The following MDGA2 variants were observed in gnomAD, a reference collection of about 807,000 sequenced individuals.
MDGA2 encodes MAM domain containing glycosylphosphatidylinositol anchor 2.
MDGA2 carries 40 observed loss-of-function variants against 117.8 expected under a neutral mutation model. The ratio of observed to expected loss-of-function variants is 0.34; its 90% CI spans 0.26 to 0.44. MDGA2 has a LOEUF of 0.44. MDGA2 is among the 20% of genes least tolerant of loss of function. MDGA2 has a pLI of 1.00. For synonymous variants in MDGA2, 452 were observed against 439.0 expected (o/e 1.03, Z -0.37); for missense variants, 1,123 against 1,250.6 (o/e 0.90, Z 1.54).
intron 4 of MDGA2, among the ~76,000 whole-genome samples, chr14:47,139,014 C>G (rs1882589172): frequency 6.6e-6 from 1 of 151,860 alleles, no homozygotes; most frequent in Non-Finnish European, 1.5e-5. Context: ...ATATTCAATT[C>G]AAATTGCTAT....
In MDGA2 at chr14:47,587,300, A is replaced by C. The variant is rs1460329981; in HGVS notation, c.280+87217T>G. 4.6e-5 allele frequency among the ~76,000 whole-genome samples: 7 copies of C among 151,860 alleles called. No individual in the cohort carries two copies. The East Asian group carries it at 1.4e-3, about 29-fold the overall frequency. ...CGTGTACCCCAGAACTTAAAATAAA[A>C]CTTAAAATAAAAACCTGAGATATTT... On this transcript the variant is annotated intron_variant, in intron 1 of 16. Transcript: ENST00000399232.
At chr14:47,141,669 T>C (rs1471304058) in intron 4 of MDGA2, among the ~76,000 whole-genome samples, 2 of 152,064 alleles carry the variant, frequency 1.3e-5, no homozygotes, top group Non-Finnish European at 2.9e-5. Flanking sequence ...TCTAAAGAAG[T>C]TGACCTCATA....
chr14:46,978,440 T>C (rs1351264025), intron 8 of MDGA2, among the ~76,000 whole-genome samples: 1 of 152,046 alleles, frequency 6.6e-6, no homozygotes, highest in East Asian at 1.9e-4. Flanking sequence ...ATTTAGACAG[T>C]AATGTGTTTT....
intron 4 of MDGA2, among the ~76,000 whole-genome samples, chr14:47,135,361 T>A (rs1882401065): frequency 6.6e-6 from 1 of 152,122 alleles, no homozygotes; most frequent in South Asian, 2.1e-4. Context: ...TATAGATAAC[T>A]GACAAATCTC....
chr14:47,538,572 G>A (rs1287324998), intron 1 of MDGA2, among the ~76,000 whole-genome samples: 1 of 152,070 alleles, frequency 6.6e-6, no homozygotes, highest in Non-Finnish European at 1.5e-5. Context: ...TAAAGGCAGC[G>A]TTTTCTCACA....
intron 9 of MDGA2, among the ~76,000 whole-genome samples, chr14:46,945,872 T>C (rs1885155675): frequency 6.6e-6 from 1 of 152,052 alleles, no homozygotes; most frequent in South Asian, 2.1e-4. Flanking sequence ...TCCATTAGTA[T>C]TTTCCAGATA....
intron 2 of MDGA2, among the ~76,000 whole-genome samples, chr14:47,242,781 C>A (rs547313529): frequency 6.6e-6 from 1 of 151,998 alleles, no homozygotes; most frequent in African/African-American, 2.4e-5. Context: ...CCACCCCCTG[C>A]TCCAGGGCAC....
intron 3 of MDGA2, among the ~76,000 whole-genome samples, chr14:47,151,045 T>G (rs1883143793): frequency 6.6e-6 from 1 of 152,196 alleles, no homozygotes; most frequent in Admixed American, 6.5e-5. Flanking sequence ...TAAAGTTATC[T>G]TCCTCAGATC....
intron 1 of MDGA2, among the ~76,000 whole-genome samples, chr14:47,514,246 G>A (rs887099244): frequency 5.9e-5 from 9 of 151,872 alleles, no homozygotes; most frequent in African/African-American, 1.9e-4. Flanking sequence ...TTAAACAACC[G>A]GCCTCATTTT....
chr14:47,580,982 A>T (rs558667229), intron 1 of MDGA2, among the ~76,000 whole-genome samples: 22 of 152,174 alleles, frequency 1.4e-4, no homozygotes, highest in Non-Finnish European at 8.8e-5. Context: ...TGAATAGCTC[A>T]ACCACACTGA....
At chr14:46,946,393 C>CAA (rs912666823) in intron 9 of MDGA2, among the ~76,000 whole-genome samples, 1 of 145,366 alleles carries the variant, frequency 6.9e-6, no homozygotes, top group African/African-American at 2.5e-5. Context: ...AATGTGCCTG[C>CAA]AAAAAAAAAA....
At chr14:47,101,318 T>C (rs1469854250) in intron 5 of MDGA2, among the ~76,000 whole-genome samples, 3 of 152,066 alleles carry the variant, frequency 2.0e-5, no homozygotes, top group Admixed American at 6.6e-5. Context: ...TTTTAGAAAA[T>C]ATCTTTGAGA....
chr14:47,492,517 T>C (rs1040622025), intron 1 of MDGA2, among the ~76,000 whole-genome samples: 2 of 152,108 alleles, frequency 1.3e-5, no homozygotes, highest in African/African-American at 4.8e-5. Context: ...TCTAAAATTA[T>C]GATTCAGGAC....
intron 1 of MDGA2, among the ~76,000 whole-genome samples, chr14:47,393,342 G>A (rs1891938012): frequency 1.3e-5 from 2 of 150,928 alleles, no homozygotes; most frequent in African/African-American, 4.9e-5. Flanking sequence ...TTTATTTTAG[G>A]TTTTCATTTT....
rs12588617 is a variant in MDGA2 at position 47,626,790 on chromosome 14, A to C, written c.280+47727T>G. Among the ~76,000 whole-genome samples the C allele has an allele frequency of 0.016, 2,453 of 152,302 alleles. 158 individuals carry two copies. The East Asian group carries it at 0.22, about 14-fold the overall frequency. ...GACCTGCAGCCCGCCATGCCTGAGC[A>C]TCCCCCACCCTCTGTGGGCTCCTGC... is the stretch of plus-strand genomic sequence containing the variant. On this transcript the variant is annotated intron_variant, in intron 1 of 16. Transcript: ENST00000399232.
rs941121810 is a variant in MDGA2, at chr14:47,667,834, G to T, written c.280+6683C>A. On this transcript the variant is annotated intron_variant, in intron 1 of 16. Transcript: ENST00000399232. The stretch of plus-strand genomic sequence containing the variant: ...AACAAAACAAGACAAAAAATATACT[G>T]CTTGAAGATACTGTAACATGTCATA... Among the ~76,000 whole-genome samples, 2 of 152,018 alleles carry T rather than the reference G, an allele frequency of 1.3e-5. 1 individual carries two copies. Among genetic ancestry groups the T allele is most frequent in the South Asian group, 4.1e-4 (2 of 4,820 alleles).
At chr14:47,594,050 G>GGATA (rs1896491819) in intron 1 of MDGA2, among the ~76,000 whole-genome samples, 1 of 152,006 alleles carries the variant, frequency 6.6e-6, no homozygotes, top group African/African-American at 2.4e-5. Context: ...GGACTTTTCA[G>GGATA]GATAAAACTT....
chr14:47,556,021 G>A (rs979251372), intron 1 of MDGA2, among the ~76,000 whole-genome samples: 2 of 152,144 alleles, frequency 1.3e-5, no homozygotes, highest in African/African-American at 2.4e-5. Flanking sequence ...GGCCTATCTT[G>A]AGCTAGGTTC....
At chr14:46,985,511 A>G (rs1411451147) in intron 8 of MDGA2, among the ~76,000 whole-genome samples, 3 of 152,034 alleles carry the variant, frequency 2.0e-5, no homozygotes, top group African/African-American at 7.2e-5. Context: ...TTGTGGGGGC[A>G]TACTTATTTC....
Sources: allele counts gnomAD v4.1 joint callset (sites outside exome capture counted in the v4.1 genomes callset), GRCh38; gene constraint gnomAD v4.1.1; transcripts MANE v1.5; gene names NCBI Gene and HGNC (gene_info 2026-07-23, HGNC 2026-07-21).